Variants in AP1B1 observed in about 807,000 individuals in gnomAD.
AP1B1 encodes AP-1 complex subunit beta-1.
Under a neutral mutation model 104.3 loss-of-function variants are expected in AP1B1, and 36 were observed. The ratio of observed to expected loss-of-function variants is 0.35; its 90% CI spans 0.26 to 0.46. The LOEUF is 0.46. Ranked by LOEUF, AP1B1 falls within the 20% of genes least tolerant of loss-of-function variation. The pLI is 1.00. For synonymous variants in AP1B1, 504 were observed against 517.5 expected, an observed-to-expected ratio of 0.97 and a Z score of 0.35; for missense variants, 901 against 1,247.9, an observed-to-expected ratio of 0.72 and a Z score of 4.19.
intron 19 of AP1B1, among the ~76,000 whole-genome samples, 155 bp downstream of exon 19, chr22:29,331,294 A>T (rs1327596678): frequency 6.6e-6 from 1 of 151,690 alleles, no homozygotes; most frequent in African/African-American, 2.4e-5. Context: ...TCCTGGGTAT[A>T]CCCCTCACTC....
At chr22:29,387,473 A>G (rs1426050513) in intron 1 of AP1B1, among the ~76,000 whole-genome samples, 1 of 151,990 alleles carries the variant, frequency 6.6e-6, no homozygotes, top group African/African-American at 2.4e-5. Flanking sequence ...ATGTCTGGCT[A>G]ATTTTTGTAT....
chr22:29,378,741 C>A (rs2062388301), intron 1 of AP1B1, among the ~76,000 whole-genome samples: 1 of 150,300 alleles, frequency 6.7e-6, no homozygotes, highest in Admixed American at 6.6e-5. Flanking sequence ...TGCCTGTAGT[C>A]CCAGCTACTC....
intron 1 of AP1B1, among the ~76,000 whole-genome samples, chr22:29,370,303 A>C (rs898942934): frequency 3.9e-5 from 6 of 152,082 alleles, no homozygotes; most frequent in Non-Finnish European, 8.8e-5. Flanking sequence ...AATACAAAAA[A>C]TTAGCTGGGC....
At position 29,342,305 on chromosome 22, in the gene AP1B1, C is replaced by T; in HGVS notation, c.1516G>A (p.Val506Ile). ...CCCACCTGAGTGGCCAAACTGAGGACCTGCTGCACCAGCTCCTGGGTCTCT... is the reference window on the plus strand; with the variant it reads ...CCCACCTGAGTGGCCAAACTGAGGATCTGCTGCACCAGCTCCTGGGTCTCT... ...PTETQELVQQ[V>I]LSLATQDSDN... The change falls in exon 12 of 23, where the codon GTC becomes ATC. Residue 506 changes from valine to isoleucine, a missense_variant. By Grantham distance (29) the Val-to-Ile change is conservative. Transcript: ENST00000357586. 4 of 1,613,998 alleles carry T rather than the reference C, an allele frequency of 2.5e-6. No homozygotes were observed. The highest frequency in any genetic ancestry group is 3.4e-6 in the Non-Finnish European group (4 of 1,179,944).
rs1251136068 is a variant in AP1B1 at position 29,355,309 on chromosome 22, C to T, written c.717-438G>A. Among the ~76,000 whole-genome samples, 3 of 151,192 alleles carry T rather than the reference C, an allele frequency of 2.0e-5. No homozygotes were observed. In the East Asian group the frequency reaches 5.8e-4, roughly 29 times the overall value. Reference sequence around the variant, plus strand: ...CTTCTCTACTAAAAATAATTTTACACATTAGCTGAGTATGGTGGTGCATGC... The same window carrying T: ...CTTCTCTACTAAAAATAATTTTACATATTAGCTGAGTATGGTGGTGCATGC... On this transcript the variant is annotated intron_variant, in intron 6 of 22. Coordinates refer to ENST00000357586, the MANE Select transcript of AP1B1 (RefSeq NM_001127.4).
chr22:29,372,832 C>A (rs1318738364), intron 1 of AP1B1, among the ~76,000 whole-genome samples: 1 of 152,060 alleles, frequency 6.6e-6, no homozygotes, highest in African/African-American at 2.4e-5. Context: ...AAGAAAATCA[C>A]CTCCTTTGAG....
At chr22:29,376,298 T>C (rs1228752139) in intron 1 of AP1B1, among the ~76,000 whole-genome samples, 1 of 152,162 alleles carries the variant, frequency 6.6e-6, no homozygotes, top group Non-Finnish European at 1.5e-5. Flanking sequence ...CCCATGCTCT[T>C]CAATCAGATG....
chr22:29,341,596 G>A lies in AP1B1; in HGVS notation c.1701C>T (p.Ile567=), dbSNP rs1176074282. ...PTLLDELICY[I]GTLASVYHKP... is the part of the protein sequence containing the mutation. Reference sequence around the variant, plus strand: ...TATGGTAGACGGAAGCCAGCGTGCCGATGTAGCAGATAAGCTCGTCTAACA... The same window carrying A: ...TATGGTAGACGGAAGCCAGCGTGCCAATGTAGCAGATAAGCTCGTCTAACA... The change falls in exon 13 of 23, where the codon ATC becomes ATT. Residue 567 remains isoleucine (I), a synonymous_variant. Coordinates refer to ENST00000357586, the MANE Select transcript of AP1B1 (RefSeq NM_001127.4). The A allele has an allele frequency of 3.1e-6, 5 of 1,614,120 alleles. No homozygotes were observed. Among genetic ancestry groups the A allele is most frequent in the East Asian group, 2.2e-5 (1 of 44,904 alleles).
Position 29,339,513 on chromosome 22 carries a change from C to A in AP1B1, c.2019+241G>T, listed in dbSNP as rs113673528. Among the ~76,000 whole-genome samples the A allele has an allele frequency of 2.3e-3, 345 of 152,094 alleles. 4 individuals carry two copies. The highest frequency in any genetic ancestry group is 7.8e-3 in the African/African-American group (322 of 41,492). The stretch of plus-strand genomic sequence containing the variant: ...TGGGACTGAGGGCTGGCAATCCCCG[C>A]GATGACAAGGCGACGTGTCATGGGG... On this transcript the variant is annotated intron_variant, in intron 15 of 22. Transcript: ENST00000357586.
intron 2 of AP1B1, among the ~76,000 whole-genome samples, chr22:29,365,063 C>G (rs955887295): frequency 4.6e-5 from 7 of 152,156 alleles, no homozygotes; most frequent in Non-Finnish European, 8.8e-5. Context: ...CACACATTTT[C>G]TTATTTCATC....
At chr22:29,342,516 T>C in intron 11 of AP1B1, 133 bp from the exon 12 acceptor site, 1 of 710,058 alleles carries the variant, frequency 1.4e-6, no homozygotes, top group Non-Finnish European at 2.4e-6. Flanking sequence ...GGTTTGGGGC[T>C]GTCACGGCAC....
At chr22:29,378,981 T>C (rs1377008696) in intron 1 of AP1B1, among the ~76,000 whole-genome samples, 1 of 151,976 alleles carries the variant, frequency 6.6e-6, no homozygotes, top group Non-Finnish European at 1.5e-5. Flanking sequence ...TGGCTTTGAG[T>C]CTCTAGAACT....
At chr22:29,374,663 T>C (rs936226319) in intron 1 of AP1B1, among the ~76,000 whole-genome samples, 4 of 152,196 alleles carry the variant, frequency 2.6e-5, no homozygotes, top group African/African-American at 7.2e-5. Context: ...GCGCCCTCAT[T>C]TGAGGCTAGT....
intron 6 of AP1B1, among the ~76,000 whole-genome samples, chr22:29,355,857 C>CA (rs35014386): frequency 0.023 from 1,338 of 57,470 alleles, 13 homozygotes; most frequent in African/African-American, 0.066. Context: ...GAGACCCTGC[C>CA]AAAAAAAAAA....
chr22:29,380,639 T>C (rs2062421828), intron 1 of AP1B1, among the ~76,000 whole-genome samples: 1 of 152,124 alleles, frequency 6.6e-6, no homozygotes, highest in African/African-American at 2.4e-5. Flanking sequence ...TTTAAATCTA[T>C]CGGCAAATCC....
At chr22:29,369,835 C>T (rs1253563491) in intron 1 of AP1B1, among the ~76,000 whole-genome samples, 2 of 144,728 alleles carry the variant, frequency 1.4e-5, no homozygotes, top group Non-Finnish European at 3.0e-5. Flanking sequence ...ACATTAAAAA[C>T]GATTTTTTTT....
At chr22:29,369,786 C>T (rs948180855) in intron 1 of AP1B1, among the ~76,000 whole-genome samples, 1 of 151,446 alleles carries the variant, frequency 6.6e-6, no homozygotes, top group Non-Finnish European at 1.5e-5. Context: ...AGCCCTGTTA[C>T]GTAACTAGTT....
At chr22:29,363,702 T>A (rs375515295) in intron 2 of AP1B1, among the ~76,000 whole-genome samples, 1 of 151,798 alleles carries the variant, frequency 6.6e-6, no homozygotes, top group African/African-American at 2.4e-5. Context: ...GAGATCAGCC[T>A]GGGTAACATA....
intron 5 of AP1B1, 125 bp from the exon 6 acceptor site, chr22:29,356,741 G>T (rs2061964648): frequency 1.1e-6 from 1 of 908,692 alleles, no homozygotes; most frequent in Admixed American, 2.6e-5. Context: ...AATGGGCAGG[G>T]TCTGGAGCTG....
Sources: allele counts gnomAD v4.1 joint callset (sites outside exome capture counted in the v4.1 genomes callset), GRCh38; gene constraint gnomAD v4.1.1; transcripts MANE v1.5; gene names NCBI Gene and HGNC (gene_info 2026-07-23, HGNC 2026-07-21).